The following AHNAK variants were observed in gnomAD, a reference collection of about 807,000 sequenced individuals.
The protein encoded by AHNAK is AHNAK nucleoprotein, also known as neuroblast differentiation-associated protein AHNAK.
In AHNAK, 23 loss-of-function variants were observed where a neutral mutation model predicts 37.8. The observed-to-expected ratio is 0.61, with a 90% CI of 0.44 to 0.86. AHNAK has a LOEUF of 0.86. Ranked by LOEUF, AHNAK falls within the 40% of genes least tolerant of loss-of-function variation. The probability of loss-of-function intolerance (pLI) is 0.00; values close to 1 mark genes in which losing one functional copy is unlikely to be tolerated. For synonymous variants in AHNAK, 2,481 were observed against 2,636.3 expected (o/e 0.94, Z 1.80); for missense variants, 7,411 against 7,319.4 (o/e 1.01, Z -0.46).
At position 62,535,063 on chromosome 11, in the gene AHNAK, G is replaced by A. The variant is rs762303992; in HGVS notation, c.282C>T (p.Pro94=). The stretch of plus-strand genomic sequence containing the variant: ...CACGGGTCCAGGTCTGGCCAGGCTC[G>A]GGAGAGCGGTCCCCCTTGCGGTGCA... ...LKLHRKGDRS[P]EPGQTWTREV... The change falls in exon 4 of 5, where the codon CCC becomes CCT. Residue 94 remains proline (P), a synonymous_variant. Transcript: ENST00000378024. 30 of 1,613,804 alleles carry A rather than the reference G, an allele frequency of 1.9e-5. No homozygotes were observed. Among genetic ancestry groups the A allele is most frequent in the East Asian group, 6.7e-5 (3 of 44,892 alleles).
chr11:62,497,824 C>T (rs924567238), intron 4 of AHNAK, among the ~76,000 whole-genome samples: 1 of 152,058 alleles, frequency 6.6e-6, no homozygotes, highest in Non-Finnish European at 1.5e-5. Flanking sequence ...TTTTGCCAGG[C>T]GTGGTGGCAC....
intron 5 of AHNAK, among the ~76,000 whole-genome samples, chr11:62,446,495 A>T (rs1938425047): frequency 6.6e-6 from 1 of 152,252 alleles, no homozygotes; most frequent in Non-Finnish European, 1.5e-5. Context: ...TTCCCAGGGC[A>T]CAACCACGCA....
At chr11:62,460,122 GAAAAA>G in intron 5 of AHNAK, among the ~76,000 whole-genome samples, 1 of 98,820 alleles carries the variant, frequency 1.0e-5, no homozygotes. Context: ...CCGTCTCAAA[GAAAAA>G]AAAAAAAAAA....
rs142849834 is a variant in AHNAK at position 62,463,123 on chromosome 11, C to CAAAAAAAA, written c.442+28601_442+28608dup. Among the ~76,000 whole-genome samples, 4 of 77,826 alleles carry CAAAAAAAA rather than the reference C, an allele frequency of 5.1e-5. No individual in the cohort carries two copies. The South Asian group carries it at 1.9e-3, about 36-fold the overall frequency. 51.1% of individuals were successfully genotyped at this position (77,826 alleles called of 152,430 possible). A position where few individuals can be genotyped will look rare whatever the true frequency, so the allele number is the denominator to read the frequency against. ...TGGGCGACAGAGCCAGACTCAGTCT[C>CAAAAAAAA]AAAAAAAAAAAAAAAAAAAAAAGAG... On this transcript the variant is annotated intron_variant, in intron 5 of 5. Coordinates refer to the AHNAK transcript ENST00000257247.
At chr11:62,449,591 G>A (rs1295696727) in intron 5 of AHNAK, among the ~76,000 whole-genome samples, 1 of 152,144 alleles carries the variant, frequency 6.6e-6, no homozygotes, top group East Asian at 1.9e-4. Context: ...CTAGTCTGAT[G>A]AAATGGCTTT....
chr11:62,486,263 T>G (rs1448333843), intron 5 of AHNAK, among the ~76,000 whole-genome samples: 3 of 151,896 alleles, frequency 2.0e-5, no homozygotes, highest in Admixed American at 6.6e-5. Context: ...TCACCTGCGG[T>G]CAGGAGTTCG....
rs1193353956 is a variant in AHNAK at position 62,526,611 on chromosome 11, G to T, written c.7806C>A (p.Pro2602=). ...KVKGDVDVSL[P]KVEGDLKGPE... is the part of the protein sequence containing the mutation. ...GGCCCTTGAGGTCACCTTCCACTTT[G>T]GGCAGAGAAACATCCACATCGCCCT... is the stretch of plus-strand genomic sequence containing the variant. The change falls in exon 5 of 5, where the codon CCC becomes CCA. Residue 2602 remains proline, a synonymous_variant. Transcript: ENST00000378024. 1.9e-6 allele frequency: 3 copies of T among 1,611,598 alleles called. No homozygotes were observed. Among genetic ancestry groups the T allele is most frequent in the Non-Finnish European group, 2.5e-6 (3 of 1,179,362 alleles).
chr11:62,439,371 C>T (rs1000657015), intron 5 of AHNAK, among the ~76,000 whole-genome samples: 8 of 151,728 alleles, frequency 5.3e-5, no homozygotes, highest in African/African-American at 1.9e-4. Flanking sequence ...GCTGGGATTA[C>T]AGGCGTGAGC....
At chr11:62,473,916 C>T (rs1939091581) in intron 5 of AHNAK, among the ~76,000 whole-genome samples, 1 of 151,226 alleles carries the variant, frequency 6.6e-6, no homozygotes, top group African/African-American at 2.4e-5. Flanking sequence ...AGGAGGATCA[C>T]TGGAGGCTTG....
At chr11:62,456,860 C>T (rs1195322911) in intron 5 of AHNAK, among the ~76,000 whole-genome samples, 1 of 152,146 alleles carries the variant, frequency 6.6e-6, no homozygotes, top group Non-Finnish European at 1.5e-5. Flanking sequence ...CCTAGGGATG[C>T]CTCCAGCTCT....
intron 5 of AHNAK, among the ~76,000 whole-genome samples, chr11:62,474,777 T>C (rs943591103): frequency 4.6e-5 from 7 of 152,138 alleles, no homozygotes; most frequent in Admixed American, 1.3e-4. Context: ...GTCCTGGAAA[T>C]AGGAGAGTGA....
chr11:62,526,575 G>A lies in AHNAK; in HGVS notation c.7842C>T (p.Asp2614=). 1.9e-6 allele frequency: 3 copies of A among 1,613,134 alleles called. No homozygotes were observed. The African/African-American group carries it at 4.0e-5, about 22-fold the overall frequency. The change falls in exon 5 of 5, where the codon GAC becomes GAT. Residue 2614 remains aspartate (D), a synonymous_variant. Coordinates refer to ENST00000378024, the MANE Select transcript of AHNAK (RefSeq NM_001620.3). Reference sequence around the variant, plus strand: ...TAATATCCACTTTGGGCCCCTTGATGTCAACTTCGGGGCCCTTGAGGTCAC... The same window carrying A: ...TAATATCCACTTTGGGCCCCTTGATATCAACTTCGGGGCCCTTGAGGTCAC... The part of the protein sequence containing the change: ...VEGDLKGPEV[D]IKGPKVDINA...
At position 62,516,728 on chromosome 11, in the gene AHNAK, CACAT is replaced by C. The variant is rs765008452; in HGVS notation, c.*12_*15del. The stretch of plus-strand genomic sequence containing the variant: ...TTTGTTATATATATATATATGTACA[CACAT>C]ACAAAGGCCTGCTACTCTTTCTTTG... On this transcript the variant is annotated 3_prime_UTR_variant, in exon 5 of 5. Transcript: ENST00000378024. The C allele has an allele frequency of 2.5e-5, 40 of 1,590,542 alleles. No individual in the cohort carries two copies. The highest frequency in any genetic ancestry group is 3.3e-5 in the Non-Finnish European group (39 of 1,170,618).
Position 62,521,241 on chromosome 11 carries a change from A to G in AHNAK, c.13176T>C (p.Phe4392=), listed in dbSNP as rs768932179. The change falls in exon 5 of 5, where the codon TTT becomes TTC. Residue 4392 remains phenylalanine, a synonymous_variant. Transcript: ENST00000378024. ...CTTTCACTTTGGGACCCTTCAAGTT[A>G]AAGTCAATGTCAGGCATGGAGATTT... The part of the protein sequence containing the change: ...APKISMPDID[F]NLKGPKVKGD... 2 of 1,613,476 alleles carry G rather than the reference A, an allele frequency of 1.2e-6. No homozygotes were observed. The highest frequency in any genetic ancestry group is 4.5e-5 in the East Asian group (2 of 44,844).
In AHNAK at chr11:62,526,353, T is replaced by C; in HGVS notation, c.8064A>G (p.Gly2688=). Residue 2688 remains glycine, a synonymous_variant, in exon 5 of 5, where the codon GGA becomes GGG. Transcript: ENST00000378024. Reference sequence around the variant, plus strand: ...TCTTGAACTTAGGCCCTTTCAACTTTCCCTCTGGTCCTTCAATGTTAACAT... The same window carrying C: ...TCTTGAACTTAGGCCCTTTCAACTTCCCCTCTGGTCCTTCAATGTTAACAT... ...GPDVNIEGPE[G]KLKGPKFKMP... 2 of 1,611,360 alleles carry C rather than the reference T, an allele frequency of 1.2e-6. No individual in the cohort carries two copies. Among genetic ancestry groups the C allele is most frequent in the Non-Finnish European group, 1.7e-6 (2 of 1,179,348 alleles).
At position 62,533,866 on chromosome 11, in the gene AHNAK, A is replaced by G; in HGVS notation, c.551T>C (p.Ile184Thr). The G allele has an allele frequency of 6.2e-7, 1 of 1,614,106 alleles. No homozygotes were observed. Among genetic ancestry groups the G allele is most frequent in the Non-Finnish European group, 8.5e-7 (1 of 1,180,002 alleles). Residue 184 changes from isoleucine to threonine, a missense_variant, in exon 5 of 5, where the codon ATT (isoleucine) becomes ACT (threonine). Physicochemically the swap from Ile to Thr is moderately conservative, Grantham distance 89. Transcript: ENST00000378024. ...DISSPEFKIKIPRHELTEISN... is the reference protein window; with the variant it reads ...DISSPEFKIKTPRHELTEISN... Reference sequence around the variant, plus strand: ...GATTTCAGTCAGTTCATGTCTTGGAATCTTGATCTTGAATTCAGGGCTACT... The same window carrying G: ...GATTTCAGTCAGTTCATGTCTTGGAGTCTTGATCTTGAATTCAGGGCTACT...
chr11:62,458,736 G>A (rs986557022), intron 5 of AHNAK, among the ~76,000 whole-genome samples: 1 of 152,000 alleles, frequency 6.6e-6, no homozygotes, highest in Non-Finnish European at 1.5e-5. Flanking sequence ...GACAGGAGCT[G>A]GTTCTGTTTC....
chr11:62,530,961 C>T lies in AHNAK; in HGVS notation c.3456G>A (p.Lys1152=), dbSNP rs1940721405. The T allele has an allele frequency of 1.2e-6, 2 of 1,613,942 alleles. No individual in the cohort carries two copies. The highest frequency in any genetic ancestry group is 2.2e-5 in the East Asian group (1 of 44,868). The change falls in exon 5 of 5, where the codon AAG becomes AAA. Residue 1152 remains lysine, a synonymous_variant. Coordinates refer to ENST00000378024, the MANE Select transcript of AHNAK (RefSeq NM_001620.3). ...TGGGTCCTGAGACAACAACGTCAGC[C>T]TTAGGCAAGTTCACATCCACTTCTG... ...EGPEVDVNLP[K]ADVVVSGPKV...
intron 5 of AHNAK, among the ~76,000 whole-genome samples, chr11:62,440,768 A>G (rs890035507): frequency 3.9e-5 from 6 of 152,192 alleles, no homozygotes; most frequent in Non-Finnish European, 7.3e-5. Context: ...GCAGATCCCC[A>G]GGACAGTTGA....
Sources: gnomAD v4.1 joint callset for allele counts (sites outside exome capture counted in the v4.1 genomes callset) on GRCh38, gnomAD v4.1.1 for gene constraint, MANE v1.5 for transcripts, NCBI Gene and HGNC (gene_info 2026-07-23, HGNC 2026-07-21) for gene names.